The following LRRC36 variants were observed in gnomAD, a reference collection of about 807,000 sequenced individuals.
The protein encoded by LRRC36 is leucine-rich repeat-containing protein 36.
LRRC36 carries 62 observed loss-of-function variants against 81.1 expected under a neutral mutation model. That is an observed-to-expected ratio of 0.76 (90% confidence interval 0.62 to 0.94). The LOEUF (loss-of-function observed/expected upper bound fraction) is 0.94, where lower values mean the gene tolerates loss of function less well. Ranked by LOEUF, LRRC36 falls within the 40% of genes least tolerant of loss-of-function variation. The pLI is 0.00. For missense variants in LRRC36, 761 were observed against 881.7 expected, an observed-to-expected ratio of 0.86 and a Z score of 1.73; for synonymous variants, 334 against 348.6, an observed-to-expected ratio of 0.96 and a Z score of 0.47.
At chr16:67,331,717 G>A (rs1055025786) in intron 1 of LRRC36, among the ~76,000 whole-genome samples, 1 of 152,200 alleles carries the variant, frequency 6.6e-6, no homozygotes, top group African/African-American at 2.4e-5. Context: ...GCCAGGTGTA[G>A]TGGCTCACGC....
In LRRC36 at chr16:67,375,429, T is replaced by G; in HGVS notation, c.1660+17T>G. The G allele has an allele frequency of 6.4e-7, 1 of 1,562,412 alleles. No individual in the cohort carries two copies. The highest frequency in any genetic ancestry group is 8.6e-7 in the Non-Finnish European group (1 of 1,162,572). ...AGTTTCTCGGTGAGTGAATGCATTC[T>G]CTGTCCTTGGACAGGAGTTGGACTT... On this transcript the variant is annotated intron_variant, in intron 10 of 13. Transcript: ENST00000329956.
chr16:67,375,624 A>G (rs897514734), intron 10 of LRRC36, among the ~76,000 whole-genome samples: 2 of 152,188 alleles, frequency 1.3e-5, no homozygotes, highest in East Asian at 3.9e-4. Flanking sequence ...TAATTATTTT[A>G]TAATGATTGT....
At chr16:67,384,711 TAA>T (rs2040230898) in intron 13 of LRRC36, among the ~76,000 whole-genome samples, 157 bp from the exon 14 acceptor site, 2 of 152,378 alleles carry the variant, frequency 1.3e-5, no homozygotes, top group Admixed American at 1.3e-4. Context: ...GAAGAAACTT[TAA>T]GTCTGCTTTT....
intron 13 of LRRC36, among the ~76,000 whole-genome samples, chr16:67,384,384 A>G (rs772293452): frequency 1.3e-5 from 2 of 152,228 alleles, no homozygotes; most frequent in Non-Finnish European, 2.9e-5. Flanking sequence ...CAGTGAGCCA[A>G]GATCCCACCA....
At chr16:67,356,324 C>T (rs1279859170) in intron 5 of LRRC36, among the ~76,000 whole-genome samples, 2 of 152,130 alleles carry the variant, frequency 1.3e-5, no homozygotes, top group East Asian at 3.9e-4. Context: ...TTGGTTTAGC[C>T]ATGATGGAGT....
intron 5 of LRRC36, among the ~76,000 whole-genome samples, chr16:67,360,925 C>T (rs550389669): frequency 6.7e-6 from 1 of 150,190 alleles, no homozygotes; most frequent in South Asian, 2.1e-4. Flanking sequence ...AAAAGCAAAA[C>T]TCTTGTTTTC....
chr16:67,350,007 C>T (rs868402018), intron 4 of LRRC36, among the ~76,000 whole-genome samples, 195 bp from the exon 5 acceptor site: 31 of 152,144 alleles, frequency 2.0e-4, no homozygotes, highest in African/African-American at 7.5e-4. Flanking sequence ...GTGATCCACC[C>T]GCCTCGGCCT....
rs1447108251 is a variant in LRRC36 at position 67,342,073 on chromosome 16, A to G, written c.187A>G (p.Thr63Ala). 8.7e-6 allele frequency: 14 copies of G among 1,606,388 alleles called. No homozygotes were observed. The highest frequency in any genetic ancestry group is 1.3e-5 in the African/African-American group (1 of 74,848). ...CTTAGATTTATCAAGGAATTTGATC[A>G]CTAGCCTTAAGGTAAGTTATATATT... ...RSLDLSRNLI[T>A]SLKGIQYLCS... The change falls in exon 2 of 14, where the codon ACT (threonine) becomes GCT (alanine). Residue 63 changes from threonine (T) to alanine (A), a missense_variant. Thr to Ala is a moderately conservative substitution (Grantham distance 58). Transcript: ENST00000329956.
At chr16:67,384,828 G>A in intron 13 of LRRC36, 42 bp from the exon 14 acceptor site, 1 of 1,533,826 alleles carries the variant, frequency 6.5e-7, no homozygotes, top group Non-Finnish European at 9.0e-7. Flanking sequence ...TATCTCTCTT[G>A]CTTTTATGAT....
At chr16:67,351,129 T>G (rs965471971) in intron 5 of LRRC36, among the ~76,000 whole-genome samples, 1 of 152,184 alleles carries the variant, frequency 6.6e-6, no homozygotes, top group Non-Finnish European at 1.5e-5. Context: ...ACCAGAGAAG[T>G]TGCATCCAGT....
At chr16:67,358,046 G>GA (rs2038978212) in intron 5 of LRRC36, among the ~76,000 whole-genome samples, 1 of 151,856 alleles carries the variant, frequency 6.6e-6, no homozygotes, top group Non-Finnish European at 1.5e-5. Context: ...TGTATCTGAA[G>GA]AAAAAGAATA....
At chr16:67,359,017 T>TA (rs34073596) in intron 5 of LRRC36, among the ~76,000 whole-genome samples, 1 of 152,120 alleles carries the variant, frequency 6.6e-6, no homozygotes, top group Non-Finnish European at 1.5e-5. Context: ...AAAGTTGCTA[T>TA]AAAAAAAGCA....
Position 67,337,524 on chromosome 16 carries a change from A to AT in LRRC36, c.71-4426dup, listed in dbSNP as rs1047877342. On this transcript the variant is annotated intron_variant, in intron 1 of 13. Coordinates refer to ENST00000329956, the MANE Select transcript of LRRC36 (RefSeq NM_018296.6). ...AGGCGTGTGCCACTAGGCCAAGATA[A>AT]TTTTTTTGTATTTTTAGTAGAGACA... is the stretch of plus-strand genomic sequence containing the variant. Among the ~76,000 whole-genome samples the AT allele has an allele frequency of 3.3e-5, 5 of 151,228 alleles. No homozygotes were observed. In the South Asian group the frequency reaches 1.0e-3, roughly 32 times the overall value.
At position 67,375,228 on chromosome 16, in the gene LRRC36, CTTTT is replaced by C; in HGVS notation, c.1495-12_1495-9del. The C allele has an allele frequency of 6.8e-7, 1 of 1,461,080 alleles. No homozygotes were observed. The highest frequency in any genetic ancestry group is 1.2e-5 in the South Asian group (1 of 82,128). 90.5% of individuals were successfully genotyped at this position (1,461,080 alleles called of 1,614,324 possible). On this transcript the variant is annotated splice_polypyrimidine_tract_variant and intron_variant, in intron 9 of 13. Coordinates refer to ENST00000329956, the MANE Select transcript of LRRC36 (RefSeq NM_018296.6). ...TGGGTTTTTTGTTTGTTTGTTTTTG[CTTTT>C]TTTTTTCTCTTGAGCCTCTCTCTAG...
chr16:67,384,755 T>C (rs1189317199), intron 13 of LRRC36, 115 bp from the exon 14 acceptor site: 2 of 703,510 alleles, frequency 2.8e-6, no homozygotes, highest in Non-Finnish European at 5.0e-6. Context: ...GGACAGTTCC[T>C]TCTATTTAAA....
At position 67,353,666 on chromosome 16, in the gene LRRC36, A is replaced by G. The variant is rs866973240; in HGVS notation, c.577+3376A>G. On this transcript the variant is annotated intron_variant, in intron 5 of 13. Transcript: ENST00000329956. The stretch of plus-strand genomic sequence containing the variant: ...CCTCCCAAGGTGCTGGGATTATAGC[A>G]CGTCCAGCCCCTTTCCATTTCTTGA... Among the ~76,000 whole-genome samples, 7 of 152,178 alleles carry G rather than the reference A, an allele frequency of 4.6e-5. No homozygotes were observed. The South Asian group carries it at 1.2e-3, about 27-fold the overall frequency.
At chr16:67,343,382 G>A (rs561242442) in intron 2 of LRRC36, among the ~76,000 whole-genome samples, 1 of 151,956 alleles carries the variant, frequency 6.6e-6, no homozygotes, top group Non-Finnish European at 1.5e-5. Flanking sequence ...GCAACATAGT[G>A]AGACCCCTAT....
intron 3 of LRRC36, 61 bp downstream of exon 3, chr16:67,346,509 A>G: frequency 8.8e-7 from 1 of 1,141,250 alleles, no homozygotes; most frequent in Non-Finnish European, 1.2e-6. Flanking sequence ...CTGCCCCTTA[A>G]CCTTTTGGAT....
At position 67,371,165 on chromosome 16, in the gene LRRC36, A is replaced by T; in HGVS notation, c.1417A>T (p.Arg473Ter). 1.2e-6 allele frequency: 2 copies of T among 1,614,256 alleles called. No homozygotes were observed. Among genetic ancestry groups the T allele is most frequent in the Non-Finnish European group, 1.7e-6 (2 of 1,180,038 alleles). ...CAAGAGGTCACTAAGCCCATCGAAGAGAGGATTCAAATGGAAGGACAATAT... is the reference window on the plus strand; with the variant it reads ...CAAGAGGTCACTAAGCCCATCGAAGTGAGGATTCAAATGGAAGGACAATAT... ...FTKRSLSPSK[R>*]GFKWKDNILA... Residue 473 changes from arginine (R) to a stop codon, truncating the protein, a stop_gained, in exon 9 of 14, where the codon AGA (arginine) becomes TGA (stop). Transcript: ENST00000329956. LOFTEE classifies it high-confidence loss of function.
Sources: allele counts gnomAD v4.1 joint callset (sites outside exome capture counted in the v4.1 genomes callset), GRCh38; gene constraint gnomAD v4.1.1; transcripts MANE v1.5; gene names NCBI Gene and HGNC (gene_info 2026-07-23, HGNC 2026-07-21).